NTF3: variants seen among roughly 807,000 people sequenced by gnomAD.
NTF3 encodes the protein neurotrophin-3.
Under a neutral mutation model 26.3 loss-of-function variants are expected in NTF3, and 8 were observed. The observed-to-expected ratio is 0.30, with a 90% CI of 0.18 to 0.55. The LOEUF (loss-of-function observed/expected upper bound fraction) is 0.55. Among genes scored for constraint, NTF3 ranks in the 20% least tolerant of loss-of-function variants. The pLI is 0.93. For missense variants in NTF3, 276 were observed against 352.9 expected (o/e 0.78, Z 1.75); for synonymous variants, 154 against 145.5 (o/e 1.06, Z -0.42).
intron 1 of NTF3, among the ~76,000 whole-genome samples, chr12:5,477,529 G>A (rs961885922): frequency 4.6e-5 from 7 of 152,182 alleles, no homozygotes; most frequent in African/African-American, 1.2e-4. Context: ...GAGATAATAC[G>A]CAGGGTTCAG....
chr12:5,481,066 C>T (rs1940786449), intron 1 of NTF3, among the ~76,000 whole-genome samples: 1 of 152,092 alleles, frequency 6.6e-6, no homozygotes. Context: ...ACCCGCAGAG[C>T]TGGCTCGCTG....
At chr12:5,490,266 G>C (rs919205154) in intron 1 of NTF3, among the ~76,000 whole-genome samples, 2 of 152,174 alleles carry the variant, frequency 1.3e-5, no homozygotes, top group African/African-American at 4.8e-5. Context: ...GCCTGGGGTA[G>C]GTCTCGATCG....
rs1591593502 is a variant in NTF3 at position 5,447,109 on chromosome 12, C to T, written c.18+14767C>T. ...GTGTCTGTCATGTAAGTAAGTCTCT[C>T]TTGGCTGTGTGTACCTGCCACCATC... On this transcript the variant is annotated intron_variant, in intron 1 of 1. Coordinates refer to ENST00000423158, the MANE Select transcript of NTF3 (RefSeq NM_001102654.2). Among the ~76,000 whole-genome samples the T allele has an allele frequency of 3.9e-5, 6 of 152,206 alleles. No individual in the cohort carries two copies. The South Asian group carries it at 1.2e-3, about 31-fold the overall frequency.
intron 1 of NTF3, among the ~76,000 whole-genome samples, chr12:5,485,193 C>T (rs567860530): frequency 3.3e-5 from 5 of 152,340 alleles, no homozygotes; most frequent in South Asian, 4.1e-4. Flanking sequence ...GAATTGGTGA[C>T]GCAAGCCTTA....
intron 1 of NTF3, among the ~76,000 whole-genome samples, chr12:5,463,046 T>G (rs188322856): frequency 3.3e-5 from 5 of 152,230 alleles, no homozygotes; most frequent in Non-Finnish European, 5.9e-5. Context: ...ATAGATTACC[T>G]CAATCCAGGG....
At chr12:5,480,214 G>C (rs1940770483) in intron 1 of NTF3, among the ~76,000 whole-genome samples, 1 of 152,158 alleles carries the variant, frequency 6.6e-6, no homozygotes, top group Non-Finnish European at 1.5e-5. Context: ...CAGGAGGGTG[G>C]AGGGGGTGGC....
At chr12:5,444,135 A>G (rs1198386748) in intron 1 of NTF3, among the ~76,000 whole-genome samples, 5 of 152,344 alleles carry the variant, frequency 3.3e-5, no homozygotes, top group Non-Finnish European at 7.3e-5. Flanking sequence ...GTCTACAGCA[A>G]GTCTCCTTAA....
intron 1 of NTF3, among the ~76,000 whole-genome samples, chr12:5,434,564 T>C (rs1312720536): frequency 6.6e-6 from 1 of 151,508 alleles, no homozygotes; most frequent in Non-Finnish European, 1.5e-5. Flanking sequence ...GGGAGGTGTG[T>C]GTTTCTGGGG....
intron 1 of NTF3, among the ~76,000 whole-genome samples, chr12:5,443,960 T>C (rs958769700): frequency 1.3e-5 from 2 of 152,196 alleles, no homozygotes; most frequent in African/African-American, 2.4e-5. Context: ...GGAAATCAAG[T>C]TGAATTTGGA....
chr12:5,488,996 C>G (rs1319192243), intron 1 of NTF3, among the ~76,000 whole-genome samples: 1 of 152,180 alleles, frequency 6.6e-6, no homozygotes. Flanking sequence ...TAAAACAGAG[C>G]CTTTCTGCTT....
Position 5,494,456 on chromosome 12 carries a change from C to T in NTF3, c.281C>T (p.Ala94Val). 6.2e-7 allele frequency: 1 copy of T among 1,613,652 alleles called. No individual in the cohort carries two copies. The highest frequency in any genetic ancestry group is 8.5e-7 in the Non-Finnish European group (1 of 1,180,016). The change falls in exon 2 of 2, where the codon GCA becomes GTA. Residue 94 changes from alanine to valine, a missense_variant. Ala to Val is a moderately conservative substitution (Grantham distance 64, BLOSUM62 0). This residue lies in a region of NTF3 where 221 missense variants were observed against 258.2 expected (regional missense o/e 0.86). Transcript: ENST00000423158. The surrounding 1 kb of genome is among the most constrained non-coding windows in gnomAD (Gnocchi z 8.3). ...EPERGGPAKS[A>V]FQPVIAMDTE... ...GAGCGGGGAGGGCCCGCCAAGTCAG[C>T]ATTCCAGCCGGTGATTGCAATGGAC...
chr12:5,438,607 G>A (rs1052689668), intron 1 of NTF3, among the ~76,000 whole-genome samples: 1 of 152,122 alleles, frequency 6.6e-6, no homozygotes, highest in Non-Finnish European at 1.5e-5. Context: ...GAAGATTTAA[G>A]GTTCTCCAAC....
chr12:5,489,457 T>A (rs569761586), intron 1 of NTF3, among the ~76,000 whole-genome samples: 1 of 152,326 alleles, frequency 6.6e-6, no homozygotes, highest in African/African-American at 2.4e-5. Flanking sequence ...CCTGACTCTG[T>A]TGCTTGTTAG....
At chr12:5,451,448 A>G (rs1940371645) in intron 1 of NTF3, among the ~76,000 whole-genome samples, 1 of 152,238 alleles carries the variant, frequency 6.6e-6, no homozygotes, top group Non-Finnish European at 1.5e-5. Flanking sequence ...ATAACAGCTA[A>G]GCCTTTGGGG....
rs779536939 is a variant in NTF3 at position 5,495,037 on chromosome 12, T to G, written c.*49T>G. 1.4e-6 allele frequency: 2 copies of G among 1,476,528 alleles called. No homozygotes were observed. The highest frequency in any genetic ancestry group is 1.9e-6 in the Non-Finnish European group (2 of 1,080,048). The allele number at this position is 1,476,528 out of a possible 1,614,324, so 91.5% of individuals were successfully genotyped here. On this transcript the variant is annotated 3_prime_UTR_variant, in exon 2 of 2. Coordinates refer to ENST00000423158, the MANE Select transcript of NTF3 (RefSeq NM_001102654.2). The stretch of plus-strand genomic sequence containing the variant: ...AATTATTACTTTAAATTATATGATA[T>G]GCATGTAGCATATAAATGTTTATAT...
intron 1 of NTF3, among the ~76,000 whole-genome samples, chr12:5,458,929 G>A (rs989732244): frequency 2.6e-5 from 4 of 152,142 alleles, no homozygotes; most frequent in African/African-American, 7.2e-5. Context: ...ACATGGGCAT[G>A]CCCAAACCCT....
chr12:5,435,197 T>C (rs1940151668), intron 1 of NTF3, among the ~76,000 whole-genome samples: 1 of 152,194 alleles, frequency 6.6e-6, no homozygotes, highest in Admixed American at 6.5e-5. Flanking sequence ...TGTTGTATAA[T>C]GTTTTGTAAT....
At chr12:5,490,639 G>A (rs563252108) in intron 1 of NTF3, among the ~76,000 whole-genome samples, 1 of 152,334 alleles carries the variant, frequency 6.6e-6, no homozygotes, top group African/African-American at 2.4e-5. Context: ...AGTGACCAGA[G>A]ATCAGAATGC....
At chr12:5,465,139 T>A (rs945202534) in intron 1 of NTF3, among the ~76,000 whole-genome samples, 3 of 152,166 alleles carry the variant, frequency 2.0e-5, no homozygotes, top group Non-Finnish European at 4.4e-5. Flanking sequence ...CCGCCCTCAG[T>A]CCAGGGCTTC....
Sources: gnomAD v4.1 joint callset for allele counts (sites outside exome capture counted in the v4.1 genomes callset) on GRCh38, gnomAD v4.1.1 for gene constraint, gnomAD v4.1.1 regional missense constraint, Gnocchi (gnomAD v3.1) non-coding constraint, MANE v1.5 for transcripts, NCBI Gene and HGNC (gene_info 2026-07-23, HGNC 2026-07-21) for gene names.